SMG6: variants seen among roughly 807,000 people sequenced by gnomAD.
The protein encoded by SMG6 is telomerase-binding protein EST1A.
A neutral mutation model predicts 142.2 loss-of-function variants in SMG6; 66 were observed. The observed-to-expected ratio is 0.46, with a 90% CI of 0.38 to 0.57. The LOEUF (loss-of-function observed/expected upper bound fraction) is 0.57, where lower values mean the gene tolerates loss of function less well. Ranked by LOEUF, SMG6 falls within the 20% of genes least tolerant of loss-of-function variation. The pLI is 0.00. For synonymous variants in SMG6, 779 were observed against 702.4 expected, an observed-to-expected ratio of 1.11 and a Z score of -1.72; for missense variants, 1,793 against 1,832.0, an observed-to-expected ratio of 0.98 and a Z score of 0.39.
intron 8 of SMG6, among the ~76,000 whole-genome samples, chr17:2,261,282 C>T (rs939785236): frequency 1.3e-5 from 2 of 150,984 alleles, no homozygotes; most frequent in African/African-American, 4.9e-5. Flanking sequence ...CCACTGCATT[C>T]TAGCCTGGGT....
chr17:2,174,239 C>G (rs902206682), intron 12 of SMG6, among the ~76,000 whole-genome samples: 10 of 152,240 alleles, frequency 6.6e-5, no homozygotes, highest in African/African-American at 2.4e-4. Context: ...TTGCTAAAAA[C>G]AACAAAGAAG....
intron 13 of SMG6, chr17:2,087,339 G>T: frequency 2.5e-6 from 3 of 1,208,592 alleles, no homozygotes; most frequent in South Asian, 2.9e-5. Flanking sequence ...GTGCAGGCTG[G>T]CTGCCCAGGA....
At chr17:2,066,744 G>A (rs1021945530) in intron 16 of SMG6, among the ~76,000 whole-genome samples, 3 of 150,822 alleles carry the variant, frequency 2.0e-5, no homozygotes, top group Non-Finnish European at 4.4e-5. Context: ...CACAGTGCAT[G>A]GCTGAGGTTG....
intron 13 of SMG6, chr17:2,094,848 G>C (rs2068814156): frequency 6.6e-6 from 1 of 152,244 alleles, no homozygotes; most frequent in Non-Finnish European, 1.5e-5. Flanking sequence ...TCCATGGGCA[G>C]AGTAAGCTTG....
intron 6 of SMG6, among the ~76,000 whole-genome samples, chr17:2,291,331 AG>A (rs1459022103): frequency 1.3e-5 from 2 of 151,718 alleles, no homozygotes; most frequent in Non-Finnish European, 2.9e-5. Flanking sequence ...ACTCCGTCTC[AG>A]AAAAAAAAAA....
chr17:2,277,574 T>C (rs891020878), intron 8 of SMG6, among the ~76,000 whole-genome samples: 23 of 152,316 alleles, frequency 1.5e-4, no homozygotes, highest in African/African-American at 5.3e-4. Context: ...AGGTTTGTGC[T>C]CCTAACTCCA....
chr17:2,195,749 T>A (rs2072305094), intron 10 of SMG6, among the ~76,000 whole-genome samples: 1 of 152,216 alleles, frequency 6.6e-6, no homozygotes, highest in Admixed American at 6.5e-5. Flanking sequence ...ATTATTCTCC[T>A]TTTTGACATT....
chr17:2,173,845 CTTTTTTTTTTT>C (rs35215989), intron 12 of SMG6, among the ~76,000 whole-genome samples: 3 of 74,804 alleles, frequency 4.0e-5, no homozygotes, highest in East Asian at 7.8e-4. Flanking sequence ...ATCCATAAAG[CTTTTTTTTTTT>C]TTTTTTTTTT....
intron 4 of SMG6, among the ~76,000 whole-genome samples, chr17:2,295,688 C>T (rs2075129460): frequency 6.6e-6 from 1 of 152,122 alleles, no homozygotes; most frequent in Admixed American, 6.6e-5. Context: ...CTTCAACCAC[C>T]ACCTGTATCA....
chr17:2,185,957 G>A (rs2071969239), intron 12 of SMG6, among the ~76,000 whole-genome samples: 1 of 152,184 alleles, frequency 6.6e-6, no homozygotes, highest in South Asian at 2.1e-4. Context: ...TGGGCATGGT[G>A]GGTCATGCCT....
At chr17:2,176,165 T>A (rs142974580) in intron 12 of SMG6, among the ~76,000 whole-genome samples, 95 of 152,344 alleles carry the variant, frequency 6.2e-4, no homozygotes, top group African/African-American at 1.9e-3. Flanking sequence ...GCCTCTGGGC[T>A]GGGAGGTCAG....
chr17:2,072,030 A>G (rs775418707), intron 15 of SMG6: 4 of 152,226 alleles, frequency 2.6e-5, no homozygotes, highest in Non-Finnish European at 5.9e-5. Flanking sequence ...CAGGGAGTGA[A>G]AAAGTGATGT....
At chr17:2,292,527 T>C (rs750832822) in intron 6 of SMG6, 25 bp downstream of exon 6, 2 of 1,610,924 alleles carry the variant, frequency 1.2e-6, no homozygotes, top group African/African-American at 1.3e-5. Context: ...CAAAGCACTT[T>C]TCCCCTGTCC....
intron 4 of SMG6, among the ~76,000 whole-genome samples, chr17:2,295,349 CA>C (rs961820037): frequency 2.0e-5 from 3 of 151,540 alleles, no homozygotes; most frequent in African/African-American, 7.3e-5. Context: ...GTGGTACAGA[CA>C]AAAAAAACGA....
intron 13 of SMG6, among the ~76,000 whole-genome samples, chr17:2,098,446 C>A (rs1567596250): frequency 6.6e-6 from 1 of 152,176 alleles, no homozygotes; most frequent in South Asian, 2.1e-4. Flanking sequence ...CGATTATTTA[C>A]CATTGTGCTG....
intron 6 of SMG6, among the ~76,000 whole-genome samples, chr17:2,290,848 T>A (rs769545738): frequency 6.6e-6 from 1 of 152,186 alleles, no homozygotes; most frequent in Non-Finnish European, 1.5e-5. Flanking sequence ...GGCAAGCATA[T>A]GAAAAGACGC....
intron 13 of SMG6, among the ~76,000 whole-genome samples, chr17:2,157,168 G>A (rs903413345): frequency 1.3e-5 from 2 of 152,072 alleles, no homozygotes; most frequent in Non-Finnish European, 2.9e-5. Context: ...GACTGCACAC[G>A]GGGCCACCCA....
At chr17:2,090,884 A>G (rs941540571) in intron 13 of SMG6, among the ~76,000 whole-genome samples, 11 of 152,254 alleles carry the variant, frequency 7.2e-5, no homozygotes, top group Non-Finnish European at 1.3e-4. Flanking sequence ...TAAGATGCAG[A>G]CAGGAACATG....
At chr17:2,208,904 G>A (rs1426904766) in intron 10 of SMG6, among the ~76,000 whole-genome samples, 1 of 152,190 alleles carries the variant, frequency 6.6e-6, no homozygotes, top group Non-Finnish European at 1.5e-5. Flanking sequence ...ACATGTCCAG[G>A]TGCGGTGGCT....
Sources: allele counts gnomAD v4.1 joint callset (sites outside exome capture counted in the v4.1 genomes callset), GRCh38; gene constraint gnomAD v4.1.1; transcripts MANE v1.5; gene names NCBI Gene and HGNC (gene_info 2026-07-23, HGNC 2026-07-21).